SLC25A13: variants seen among roughly 807,000 people sequenced by gnomAD.
The protein encoded by SLC25A13 is electrogenic aspartate/glutamate antiporter SLC25A13, mitochondrial.
Under a neutral mutation model 85.5 loss-of-function variants are expected in SLC25A13, and 70 were observed. The ratio of observed to expected loss-of-function variants is 0.82; its 90% CI spans 0.68 to 1.00. The LOEUF (loss-of-function observed/expected upper bound fraction) is 1.00, where lower values mean the gene tolerates loss of function less well. SLC25A13 is among the 50% of genes least tolerant of loss of function. The probability of loss-of-function intolerance (pLI) is 0.00; values close to 1 mark genes in which losing one functional copy is unlikely to be tolerated. For missense variants in SLC25A13, 765 were observed against 819.8 expected (o/e 0.93, Z 0.82); for synonymous variants, 259 against 288.7 (o/e 0.90, Z 1.04).
At chr7:96,210,618 C>T (rs368548334) in intron 4 of SLC25A13, among the ~76,000 whole-genome samples, 70 of 152,132 alleles carry the variant, frequency 4.6e-4, no homozygotes, top group African/African-American at 1.5e-3. Flanking sequence ...ACATATTAAC[C>T]GAGATAATCT....
chr7:96,208,509 T>C (rs1795548402), intron 5 of SLC25A13, among the ~76,000 whole-genome samples: 1 of 150,866 alleles, frequency 6.6e-6, no homozygotes, highest in African/African-American at 2.4e-5. Flanking sequence ...TTTTAACTTT[T>C]TTTTTTTTTT....
intron 2 of SLC25A13, among the ~76,000 whole-genome samples, chr7:96,288,540 C>T (rs548832574): frequency 5.3e-5 from 8 of 152,180 alleles, no homozygotes; most frequent in Admixed American, 2.0e-4. Flanking sequence ...GGGTAACAGA[C>T]GGCACCTGGA....
chr7:96,256,371 A>G (rs1797637533), intron 3 of SLC25A13, among the ~76,000 whole-genome samples: 1 of 152,218 alleles, frequency 6.6e-6, no homozygotes, highest in Non-Finnish European at 1.5e-5. Flanking sequence ...GGATGGAGGA[A>G]TATTTGCCAA....
At chr7:96,174,389 C>T (rs1340618006) in intron 11 of SLC25A13, among the ~76,000 whole-genome samples, 1 of 152,240 alleles carries the variant, frequency 6.6e-6, no homozygotes, top group East Asian at 1.9e-4. Context: ...CTAAACTATA[C>T]TCATGACACT....
intron 13 of SLC25A13, among the ~76,000 whole-genome samples, chr7:96,158,834 A>C (rs1311283323): frequency 1.3e-5 from 2 of 152,240 alleles, no homozygotes; most frequent in Admixed American, 1.3e-4. Context: ...CATTTGAATA[A>C]ATTAGAAAAT....
intron 3 of SLC25A13, among the ~76,000 whole-genome samples, chr7:96,238,835 A>G (rs1796844806): frequency 6.6e-6 from 1 of 151,960 alleles, no homozygotes; most frequent in Admixed American, 6.6e-5. Context: ...CCCTTCACAG[A>G]CATTAGGTTC....
In SLC25A13 at chr7:96,282,668, T is replaced by G. The variant is rs1031690582; in HGVS notation, c.70-5330A>C. On this transcript the variant is annotated intron_variant, in intron 2 of 17. Coordinates refer to ENST00000265631, the MANE Select transcript of SLC25A13 (RefSeq NM_014251.3). ...AAGCTCTATGCTAAATTATTTAGGG[T>G]GAATTATAGTGATAGCTAAGTTATA... Among the ~76,000 whole-genome samples, 3 of 152,164 alleles carry G rather than the reference T, an allele frequency of 2.0e-5. No homozygotes were observed. In the South Asian group the frequency reaches 6.2e-4, roughly 31 times the overall value.
At chr7:96,180,471 C>T (rs1362172178) in intron 11 of SLC25A13, among the ~76,000 whole-genome samples, 2 of 152,110 alleles carry the variant, frequency 1.3e-5, no homozygotes, top group East Asian at 1.9e-4. Context: ...GCTGCGATTA[C>T]AGGCCCGCCA....
At chr7:96,243,514 T>C (rs1209516017) in intron 3 of SLC25A13, among the ~76,000 whole-genome samples, 2 of 152,138 alleles carry the variant, frequency 1.3e-5, no homozygotes, top group African/African-American at 2.4e-5. Context: ...CTCTATTTCA[T>C]TGGTCTGTAG....
At chr7:96,200,519 T>C (rs1795215479) in intron 5 of SLC25A13, among the ~76,000 whole-genome samples, 1 of 152,172 alleles carries the variant, frequency 6.6e-6, no homozygotes, top group Admixed American at 6.5e-5. Flanking sequence ...TTACCATTCT[T>C]AATTTTGTTC....
intron 11 of SLC25A13, among the ~76,000 whole-genome samples, chr7:96,182,816 A>G (rs1397102579): frequency 6.6e-6 from 1 of 152,224 alleles, no homozygotes; most frequent in Non-Finnish European, 1.5e-5. Context: ...GCATTCTTAC[A>G]ATTCTAAAGG....
At chr7:96,243,111 G>A (rs1216496682) in intron 3 of SLC25A13, among the ~76,000 whole-genome samples, 6 of 152,104 alleles carry the variant, frequency 3.9e-5, no homozygotes, top group Middle Eastern at 3.2e-3. Flanking sequence ...GATTACAGGC[G>A]TGCGCCACCA....
In SLC25A13 at chr7:96,224,392, G is replaced by A. The variant is rs531594767; in HGVS notation, c.328+10410C>T. Among the ~76,000 whole-genome samples the A allele has an allele frequency of 1.1e-4, 17 of 152,196 alleles. No homozygotes were observed. The South Asian group carries it at 2.5e-3, about 22-fold the overall frequency. ...TCTTGCTTAAGGGCCCGGCCCTGTC[G>A]TTGGTGCCCTGACAACCACCCTCCC... On this transcript the variant is annotated intron_variant, in intron 4 of 17. Transcript: ENST00000265631.
intron 3 of SLC25A13, among the ~76,000 whole-genome samples, chr7:96,274,031 G>A (rs925226810): frequency 6.6e-5 from 10 of 152,088 alleles, no homozygotes; most frequent in Non-Finnish European, 1.3e-4. Flanking sequence ...TTGGGGTTAG[G>A]GTAGAAAACA....
intron 1 of SLC25A13, among the ~76,000 whole-genome samples, chr7:96,315,553 G>C (rs1380032668): frequency 1.3e-5 from 2 of 152,178 alleles, no homozygotes; most frequent in Non-Finnish European, 2.9e-5. Flanking sequence ...AAGGGGACAG[G>C]ACTGAGGAAG....
chr7:96,171,037 T>A (rs1325468291), intron 12 of SLC25A13, among the ~76,000 whole-genome samples: 1 of 152,092 alleles, frequency 6.6e-6, no homozygotes, highest in Admixed American at 6.5e-5. Context: ...TGCTCTGGAG[T>A]CAGACAAGTG....
intron 11 of SLC25A13, among the ~76,000 whole-genome samples, chr7:96,175,620 G>A (rs1005030905): frequency 2.0e-5 from 3 of 152,228 alleles, no homozygotes; most frequent in Non-Finnish European, 2.9e-5. Context: ...TCCAGCCTGT[G>A]CTCTTACCTG....
intron 15 of SLC25A13, among the ~76,000 whole-genome samples, chr7:96,124,810 T>G (rs895101606): frequency 1.6e-4 from 24 of 152,324 alleles, no homozygotes; most frequent in African/African-American, 5.3e-4. Context: ...GTTATTTCCC[T>G]TTTGATCCCC....
intron 3 of SLC25A13, among the ~76,000 whole-genome samples, chr7:96,258,082 G>C (rs1223712553): frequency 6.6e-6 from 1 of 152,096 alleles, no homozygotes; most frequent in African/African-American, 2.4e-5. Context: ...AAGAATAAGA[G>C]CTATTTACGA....
Sources: allele counts gnomAD v4.1 joint callset (sites outside exome capture counted in the v4.1 genomes callset), GRCh38; gene constraint gnomAD v4.1.1; transcripts MANE v1.5; gene names NCBI Gene and HGNC (gene_info 2026-07-23, HGNC 2026-07-21).